The following CFAP61 variants were observed in gnomAD, a reference collection of about 807,000 sequenced individuals.
The protein encoded by CFAP61 is cilia and flagella associated protein 61.
A neutral mutation model predicts 135.6 loss-of-function variants in CFAP61; 107 were observed. The ratio of observed to expected loss-of-function variants is 0.79; its 90% CI spans 0.67 to 0.93. CFAP61 has a LOEUF of 0.93. Among genes scored for constraint, CFAP61 ranks in the 40% least tolerant of loss-of-function variants. The pLI is 0.00. For synonymous variants in CFAP61, 575 were observed against 578.5 expected, an observed-to-expected ratio of 0.99 and a Z score of 0.09; for missense variants, 1,507 against 1,556.2, an observed-to-expected ratio of 0.97 and a Z score of 0.53.
intron 15 of CFAP61, among the ~76,000 whole-genome samples, chr20:20,195,755 G>A (rs763844417): frequency 1.3e-5 from 2 of 152,166 alleles, no homozygotes; most frequent in Non-Finnish European, 2.9e-5. Flanking sequence ...CAGTTTTATA[G>A]CAGGCCAGCC....
chr20:20,347,620 G>A (rs748963540), intron 26 of CFAP61, among the ~76,000 whole-genome samples: 9 of 152,194 alleles, frequency 5.9e-5, no homozygotes, highest in African/African-American at 1.7e-4. Flanking sequence ...TAACCTAGAT[G>A]AAATGGTCAA....
At chr20:20,154,392 A>C (rs6112794) in intron 9 of CFAP61, among the ~76,000 whole-genome samples, 19,460 of 152,114 alleles carry the variant, frequency 0.13, 1,418 homozygotes, top group Non-Finnish European at 0.15. Flanking sequence ...AAGCCATCCA[A>C]ATTGATAAAG....
chr20:20,201,147 A>T, intron 17 of CFAP61: 1 of 195,442 alleles, frequency 5.1e-6, no homozygotes, highest in Non-Finnish European at 9.3e-6. Flanking sequence ...GCAAAGACAG[A>T]CAAAATTCTT....
chr20:20,062,409 G>A lies in CFAP61; in HGVS notation c.143+5613G>A, dbSNP rs150178314. 9.2e-5 allele frequency among the ~76,000 whole-genome samples: 14 copies of A among 152,274 alleles called. 1 individual carries two copies. In the East Asian group the frequency reaches 2.7e-3, roughly 29 times the overall value. ...TTAGAGGGAACTTATAACCTTAAAT[G>A]CTTATAACAGAAGAGAAGAAAGGCC... On this transcript the variant is annotated intron_variant, in intron 2 of 26. Transcript: ENST00000245957.
At chr20:20,161,717 TA>T (rs528936894) in intron 10 of CFAP61, among the ~76,000 whole-genome samples, 5 of 152,226 alleles carry the variant, frequency 3.3e-5, no homozygotes, top group East Asian at 3.9e-4. Context: ...AGTGAGAGGA[TA>T]AAATGACTAT....
At chr20:20,107,291 A>C (rs545989320) in intron 8 of CFAP61, among the ~76,000 whole-genome samples, 11 of 152,220 alleles carry the variant, frequency 7.2e-5, no homozygotes, top group Non-Finnish European at 4.4e-5. Flanking sequence ...CAGTTATTTG[A>C]CTACTGGGTC....
chr20:20,081,023 AG>A (rs1489586920), intron 6 of CFAP61, among the ~76,000 whole-genome samples: 2 of 152,066 alleles, frequency 1.3e-5, no homozygotes, highest in Admixed American at 1.3e-4. Flanking sequence ...AAAAGAAAAA[AG>A]GTTCCCTGTT....
At chr20:20,149,009 A>C (rs1397681911) in intron 9 of CFAP61, among the ~76,000 whole-genome samples, 3 of 152,226 alleles carry the variant, frequency 2.0e-5, no homozygotes, top group Non-Finnish European at 4.4e-5. Context: ...AATAAGAAAC[A>C]ATATAGTAAT....
chr20:20,269,184 C>CATATATACATATATGTATATAT (rs1569219557), intron 21 of CFAP61, among the ~76,000 whole-genome samples: 42 of 84,248 alleles, frequency 5.0e-4, no homozygotes, highest in Non-Finnish European at 8.5e-4. Context: ...TGTATATACA[C>CATATATACATATATGTATATAT]ACACATATAT....
chr20:20,239,619 GC>G (rs1214845654), intron 18 of CFAP61, among the ~76,000 whole-genome samples: 1 of 152,162 alleles, frequency 6.6e-6, no homozygotes, highest in Non-Finnish European at 1.5e-5. Context: ...AGGTTCTAGA[GC>G]CACAGAGAGG....
chr20:20,273,550 G>A (rs1234319180), intron 21 of CFAP61, among the ~76,000 whole-genome samples: 1 of 152,226 alleles, frequency 6.6e-6, no homozygotes, highest in African/African-American at 2.4e-5. Context: ...GATCCAGCTA[G>A]CAGGAAGAAA....
At chr20:20,067,017 AC>A (rs1349584214) in intron 2 of CFAP61, among the ~76,000 whole-genome samples, 1 of 152,070 alleles carries the variant, frequency 6.6e-6, no homozygotes. Flanking sequence ...GTTAAATGAT[AC>A]CCACAAAATC....
intron 13 of CFAP61, 77 bp from the exon 14 acceptor site, chr20:20,187,853 A>G (rs2179825): frequency 0.91 from 1,028,389 of 1,133,366 alleles, 474,082 homozygotes; most frequent in Middle Eastern, 0.97. Flanking sequence ...AGTGTGATAT[A>G]TTACAATTCT....
At chr20:20,083,794 A>C (rs1264984758) in intron 6 of CFAP61, among the ~76,000 whole-genome samples, 1 of 152,230 alleles carries the variant, frequency 6.6e-6, no homozygotes, top group East Asian at 1.9e-4. Context: ...AGCTGGAGCC[A>C]TACTAGCCCA....
At chr20:20,199,928 C>T (rs369847165) in intron 17 of CFAP61, 26 bp downstream of exon 17, 27 of 1,611,628 alleles carry the variant, frequency 1.7e-5, no homozygotes, top group Admixed American at 5.0e-5. Context: ...GCAGGCAGGG[C>T]GGCGCGGTGC....
At chr20:20,315,311 GT>G (rs2057067009) in intron 25 of CFAP61, among the ~76,000 whole-genome samples, 1 of 151,106 alleles carries the variant, frequency 6.6e-6, no homozygotes, top group Admixed American at 6.6e-5. Flanking sequence ...TTTTTCATGT[GT>G]TTTTTGGCTG....
intron 17 of CFAP61, among the ~76,000 whole-genome samples, chr20:20,200,173 G>A (rs1055153949): frequency 1.3e-5 from 2 of 152,242 alleles, no homozygotes; most frequent in Non-Finnish European, 2.9e-5. Context: ...CAGGACAAAA[G>A]GCCTAGAGTC....
intron 6 of CFAP61, among the ~76,000 whole-genome samples, chr20:20,081,993 T>C (rs1056345542): frequency 6.6e-6 from 1 of 152,180 alleles, no homozygotes; most frequent in Admixed American, 6.5e-5. Flanking sequence ...AAGCCCTCTA[T>C]CCACATGTTC....
At chr20:20,098,333 G>A (rs1465075319) in intron 7 of CFAP61, among the ~76,000 whole-genome samples, 1 of 152,092 alleles carries the variant, frequency 6.6e-6, no homozygotes, top group Non-Finnish European at 1.5e-5. Flanking sequence ...TTTTGGACTG[G>A]GTGTGGTGGC....
Sources: gnomAD v4.1 joint callset for allele counts (sites outside exome capture counted in the v4.1 genomes callset) on GRCh38, gnomAD v4.1.1 for gene constraint, MANE v1.5 for transcripts, NCBI Gene and HGNC (gene_info 2026-07-23, HGNC 2026-07-21) for gene names.